The following SDCCAG8 variants were observed in gnomAD, a reference collection of about 807,000 sequenced individuals.
SDCCAG8 encodes SHH signaling and ciliogenesis regulator SDCCAG8, also known as serologically defined colon cancer antigen 8.
SDCCAG8 carries 74 observed loss-of-function variants against 101.8 expected under a neutral mutation model. The observed-to-expected ratio is 0.73, with a 90% CI of 0.60 to 0.88. The LOEUF (loss-of-function observed/expected upper bound fraction) is 0.88, where lower values mean the gene tolerates loss of function less well. Among genes scored for constraint, SDCCAG8 ranks in the 40% least tolerant of loss-of-function variants. The pLI is 0.00. For synonymous variants in SDCCAG8, 281 were observed against 292.9 expected (o/e 0.96, Z 0.41); for missense variants, 787 against 822.6 (o/e 0.96, Z 0.53).
At chr1:243,499,058 C>T (rs1348480471) in intron 17 of SDCCAG8, among the ~76,000 whole-genome samples, 1 of 152,180 alleles carries the variant, frequency 6.6e-6, no homozygotes, top group East Asian at 1.9e-4. Flanking sequence ...GACTCTAGTT[C>T]CTGATGTGGT....
intron 13 of SDCCAG8, among the ~76,000 whole-genome samples, chr1:243,406,429 A>C (rs1327571627): frequency 6.6e-6 from 1 of 152,204 alleles, no homozygotes; most frequent in Non-Finnish European, 1.5e-5. Context: ...GAGGCTGTTC[A>C]GTCTCAGTAT....
chr1:243,343,032 G>A (rs1270624504), intron 11 of SDCCAG8, among the ~76,000 whole-genome samples: 1 of 152,192 alleles, frequency 6.6e-6, no homozygotes, highest in African/African-American at 2.4e-5. Context: ...CACTACCACA[G>A]TACACTGCAG....
chr1:243,447,328 A>G (rs2083001876), intron 16 of SDCCAG8, among the ~76,000 whole-genome samples: 1 of 151,972 alleles, frequency 6.6e-6, no homozygotes, highest in Non-Finnish European at 1.5e-5. Context: ...TCATCGCTAA[A>G]TGAGGAATGA....
At chr1:243,333,454 C>G (rs553401775) in intron 10 of SDCCAG8, among the ~76,000 whole-genome samples, 1 of 152,344 alleles carries the variant, frequency 6.6e-6, no homozygotes, top group Non-Finnish European at 1.5e-5. Context: ...GTTTGAAACT[C>G]ACCTAGGTGA....
chr1:243,471,919 T>C (rs1661353412), intron 16 of SDCCAG8, among the ~76,000 whole-genome samples: 1 of 152,224 alleles, frequency 6.6e-6, no homozygotes, highest in Non-Finnish European at 1.5e-5. Flanking sequence ...TACTGTAAAT[T>C]GGAGAACTGA....
At chr1:243,457,795 C>T (rs1658113527) in intron 16 of SDCCAG8, among the ~76,000 whole-genome samples, 1 of 152,178 alleles carries the variant, frequency 6.6e-6, no homozygotes, top group South Asian at 2.1e-4. Flanking sequence ...TCAGCTGGCA[C>T]TCTCCAATCC....
intron 9 of SDCCAG8, among the ~76,000 whole-genome samples, chr1:243,325,102 A>G (rs956116756): frequency 2.6e-4 from 40 of 152,322 alleles, no homozygotes; most frequent in African/African-American, 9.1e-4. Context: ...TCTCCACCAG[A>G]AGACCTTGAA....
At chr1:243,461,743 G>T (rs1343127321) in intron 16 of SDCCAG8, among the ~76,000 whole-genome samples, 3 of 152,150 alleles carry the variant, frequency 2.0e-5, no homozygotes, top group Middle Eastern at 3.4e-3. Flanking sequence ...AATGTACCAT[G>T]GTACATTTTT....
intron 16 of SDCCAG8, among the ~76,000 whole-genome samples, chr1:243,477,813 G>A (rs1423713813): frequency 6.6e-6 from 1 of 152,198 alleles, no homozygotes; most frequent in Non-Finnish European, 1.5e-5. Context: ...GGCCTCTTTT[G>A]CATCCTTTGT....
chr1:243,432,998 G>A (rs1417564908), intron 16 of SDCCAG8, among the ~76,000 whole-genome samples: 2 of 152,120 alleles, frequency 1.3e-5, no homozygotes, highest in Admixed American at 6.5e-5. Context: ...TAAGGTTCCT[G>A]AGAAGAGAGG....
chr1:243,388,648 G>A (rs1448158045), intron 13 of SDCCAG8, among the ~76,000 whole-genome samples: 1 of 150,768 alleles, frequency 6.6e-6, no homozygotes. Context: ...ATCACTTGAG[G>A]CCAGGAGGTC....
At chr1:243,459,954 G>T (rs1489984442) in intron 16 of SDCCAG8, among the ~76,000 whole-genome samples, 1 of 152,128 alleles carries the variant, frequency 6.6e-6, no homozygotes, top group Non-Finnish European at 1.5e-5. Flanking sequence ...AAATGGTGAC[G>T]TGGTAATTCC....
intron 16 of SDCCAG8, among the ~76,000 whole-genome samples, chr1:243,485,885 T>C (rs1664687978): frequency 6.9e-6 from 1 of 144,850 alleles, no homozygotes; most frequent in Admixed American, 7.0e-5. Context: ...AAGCAAGACT[T>C]CGTATCAAGA....
At chr1:243,407,614 G>T (rs903663345) in intron 13 of SDCCAG8, among the ~76,000 whole-genome samples, 1 of 152,170 alleles carries the variant, frequency 6.6e-6, no homozygotes, top group Non-Finnish European at 1.5e-5. Context: ...TGGAGATACT[G>T]TAAGAACATT....
At chr1:243,488,078 C>G (rs975324927) in intron 16 of SDCCAG8, among the ~76,000 whole-genome samples, 1 of 152,210 alleles carries the variant, frequency 6.6e-6, no homozygotes, top group Non-Finnish European at 1.5e-5. Context: ...CCTGTGCCCA[C>G]ATGTGCGGCC....
At chr1:243,385,535 G>C (rs2078225794) in intron 13 of SDCCAG8, among the ~76,000 whole-genome samples, 1 of 152,228 alleles carries the variant, frequency 6.6e-6, no homozygotes, top group East Asian at 1.9e-4. Context: ...TTGGATATAG[G>C]AAAATGGGAA....
chr1:243,324,480 T>C (rs922675640), intron 9 of SDCCAG8, among the ~76,000 whole-genome samples: 3 of 149,140 alleles, frequency 2.0e-5, no homozygotes, highest in Non-Finnish European at 3.0e-5. Flanking sequence ...TTTTTTTTTT[T>C]CAGAGACAGG....
rs115657747 is a variant in SDCCAG8, at chr1:243,407,396, A to G, written c.1617-8306A>G. Among the ~76,000 whole-genome samples, 1,002 of 152,320 alleles carry G rather than the reference A, an allele frequency of 6.6e-3. 13 individuals are homozygous for G. Among genetic ancestry groups the G allele is most frequent in the African/African-American group, 0.022 (921 of 41,566 alleles). ...CATCTCTCTGCCCCACAGAGATGTT[A>G]TGAAGAATAGAGAGGTCGGTGCATT... On this transcript the variant is annotated intron_variant, in intron 13 of 17. Coordinates refer to ENST00000366541, the MANE Select transcript of SDCCAG8 (RefSeq NM_006642.5).
At chr1:243,370,096 A>G (rs1405036938) in intron 12 of SDCCAG8, among the ~76,000 whole-genome samples, 2 of 151,984 alleles carry the variant, frequency 1.3e-5, no homozygotes, top group East Asian at 1.9e-4. Flanking sequence ...CAACAATCAC[A>G]TCTTATTTCA....
Sources: allele counts gnomAD v4.1 joint callset (sites outside exome capture counted in the v4.1 genomes callset), GRCh38; gene constraint gnomAD v4.1.1; transcripts MANE v1.5; gene names NCBI Gene and HGNC (gene_info 2026-07-23, HGNC 2026-07-21).